RERE: variants seen among roughly 807,000 people sequenced by gnomAD.
The protein encoded by RERE is arginine-glutamic acid dipeptide repeats protein.
A neutral mutation model predicts 146.1 loss-of-function variants in RERE; 40 were observed. That is an observed-to-expected ratio of 0.27 (90% CI 0.21 to 0.36). The LOEUF (loss-of-function observed/expected upper bound fraction) is 0.36, where lower values mean the gene tolerates loss of function less well. Among genes scored for constraint, RERE ranks in the 10% least tolerant of loss-of-function variants. The pLI is 1.00. For missense variants in RERE, 1,933 were observed against 2,138.7 expected, an observed-to-expected ratio of 0.90 and a Z score of 1.90; for synonymous variants, 1,003 against 866.0, an observed-to-expected ratio of 1.16 and a Z score of -2.78.
intron 12 of RERE, among the ~76,000 whole-genome samples, chr1:8,408,052 G>C (rs576688144): frequency 6.6e-6 from 1 of 152,256 alleles, no homozygotes; most frequent in East Asian, 1.9e-4. Flanking sequence ...AAAGTAAAAG[G>C]CAGCCTTGGG....
chr1:8,422,571 A>G (rs1169046608), intron 12 of RERE, among the ~76,000 whole-genome samples, 156 bp downstream of exon 12: 1 of 152,224 alleles, frequency 6.6e-6, no homozygotes, highest in African/African-American at 2.4e-5. Context: ...AACTCAAATT[A>G]AAAGTCAAGG....
Position 8,508,954 on chromosome 1 carries a change from G to A in RERE, c.831-279C>T, listed in dbSNP as rs1033046849. Among the ~76,000 whole-genome samples, 66 of 151,946 alleles carry A rather than the reference G, an allele frequency of 4.3e-4. 1 individual carries two copies. Among genetic ancestry groups the A allele is most frequent in the Admixed American group, 3.5e-3 (54 of 15,262 alleles). ...TTTTGAGACAGAGTCTCACTCTGTC[G>A]CCCAGGCTGGAGTGCAGTGGCACAA... On this transcript the variant is annotated intron_variant, in intron 7 of 22. Transcript: ENST00000400908.
At chr1:8,697,415 C>CG (rs1448378000) in intron 1 of RERE, among the ~76,000 whole-genome samples, 2 of 118,730 alleles carry the variant, frequency 1.7e-5, no homozygotes, top group Non-Finnish European at 3.3e-5. Flanking sequence ...TTTTTTGAGA[C>CG]GGAGTCTCAC....
At chr1:8,652,021 A>G (rs1647657691) in intron 2 of RERE, among the ~76,000 whole-genome samples, 1 of 152,180 alleles carries the variant, frequency 6.6e-6, no homozygotes, top group Non-Finnish European at 1.5e-5. Flanking sequence ...GTAACCCTAA[A>G]GAACAGACAA....
chr1:8,721,289 T>A (rs1639859081), intron 1 of RERE, among the ~76,000 whole-genome samples: 1 of 152,022 alleles, frequency 6.6e-6, no homozygotes, highest in African/African-American at 2.4e-5. Context: ...CGAAAGAGTT[T>A]TTGTATTTTT....
chr1:8,427,502 C>T (rs1389334910), intron 11 of RERE, among the ~76,000 whole-genome samples: 2 of 152,126 alleles, frequency 1.3e-5, no homozygotes, highest in African/African-American at 2.4e-5. Flanking sequence ...TCAACTTGAA[C>T]GTTTCACAGG....
At chr1:8,369,790 A>C (rs1641961028) in intron 12 of RERE, among the ~76,000 whole-genome samples, 1 of 151,724 alleles carries the variant, frequency 6.6e-6, no homozygotes, top group Non-Finnish European at 1.5e-5. Flanking sequence ...AAACTATTCT[A>C]TATATATATA....
At chr1:8,790,176 G>A (rs994452635) in intron 1 of RERE, among the ~76,000 whole-genome samples, 3 of 152,090 alleles carry the variant, frequency 2.0e-5, no homozygotes, top group African/African-American at 7.2e-5. Context: ...CTGGAACTGC[G>A]GGTTCAAGCA....
At position 8,354,253 on chromosome 1, in the gene RERE, C is replaced by G. The variant is rs1194796969; in HGVS notation, c.*834G>C. ...GCAGATGTCTGTGCTGCTGGCAGAG[C>G]ACAGGCTAGGAGCAGACACAAGTGA... is the stretch of plus-strand genomic sequence containing the variant. On this transcript the variant is annotated 3_prime_UTR_variant, in exon 23 of 23. Coordinates refer to ENST00000400908, the MANE Select transcript of RERE (RefSeq NM_001042681.2). The G allele has an allele frequency of 1.3e-4, 20 of 152,544 alleles. No individual in the cohort carries two copies. The highest frequency in any genetic ancestry group is 1.3e-3 in the Admixed American group (20 of 15,284). 9.4% of individuals were successfully genotyped at this position (152,544 alleles called of 1,614,324 possible).
At chr1:8,815,087 T>C (rs572541642) in intron 1 of RERE, among the ~76,000 whole-genome samples, 1 of 152,322 alleles carries the variant, frequency 6.6e-6, no homozygotes, top group East Asian at 1.9e-4. Flanking sequence ...TAGAAGGTGC[T>C]ATTCTGCAAC....
At chr1:8,628,071 C>G (rs1307579516) in intron 2 of RERE, among the ~76,000 whole-genome samples, 1 of 152,146 alleles carries the variant, frequency 6.6e-6, no homozygotes, top group Non-Finnish European at 1.5e-5. Flanking sequence ...TAAAAGCCAC[C>G]TCTTTTTGTT....
chr1:8,373,298 T>TA lies in RERE; in HGVS notation c.1285-7325dup, dbSNP rs143452506. Among the ~76,000 whole-genome samples, 835 of 152,300 alleles carry TA rather than the reference T, an allele frequency of 5.5e-3. 9 individuals are homozygous for TA. Among genetic ancestry groups the TA allele is most frequent in the African/African-American group, 0.019 (770 of 41,552 alleles). ...TTAACTCTCGGTGCTAATGTGCAAT[T>TA]AGAGTCAGAATGTTGTTCCCCTGCT... is the stretch of plus-strand genomic sequence containing the variant. On this transcript the variant is annotated intron_variant, in intron 12 of 22. Transcript: ENST00000400908.
At chr1:8,386,014 ATATATATATTTTTTTTTTTTTTT>A (rs1410354135) in intron 12 of RERE, among the ~76,000 whole-genome samples, 1 of 44,624 alleles carries the variant, frequency 2.2e-5, no homozygotes, top group African/African-American at 9.4e-5. Flanking sequence ...ATATATATAT[ATATATATATTTTTTTTTTTTTTT>A]TTTTTTTTTT....
At chr1:8,765,312 A>C (rs1414465092) in intron 1 of RERE, among the ~76,000 whole-genome samples, 1 of 152,202 alleles carries the variant, frequency 6.6e-6, no homozygotes, top group African/African-American at 2.4e-5. Context: ...AGACAGAAAG[A>C]AGATTAAGGG....
chr1:8,447,520 CTGTT>C (rs1644337284), intron 11 of RERE, among the ~76,000 whole-genome samples: 1 of 152,134 alleles, frequency 6.6e-6, no homozygotes, highest in African/African-American at 2.4e-5. Flanking sequence ...GTATTCCTTT[CTGTT>C]TATTAGTTTT....
intron 1 of RERE, among the ~76,000 whole-genome samples, chr1:8,682,292 T>C (rs1638988820): frequency 6.6e-6 from 1 of 152,236 alleles, no homozygotes; most frequent in African/African-American, 2.4e-5. Flanking sequence ...CTAAATCCTA[T>C]CTCATTTCTT....
intron 11 of RERE, among the ~76,000 whole-genome samples, chr1:8,460,355 C>G (rs1644510912): frequency 6.6e-6 from 1 of 152,190 alleles, no homozygotes. Context: ...TAAGTAATTC[C>G]TTGACCGGCC....
chr1:8,408,612 GTTAA>G (rs1467496504), intron 12 of RERE, among the ~76,000 whole-genome samples: 1 of 152,154 alleles, frequency 6.6e-6, no homozygotes, highest in Non-Finnish European at 1.5e-5. Flanking sequence ...GGAGGGCAGA[GTTAA>G]GGAAATAAAT....
In RERE at chr1:8,541,363, T is replaced by A. The variant is rs766835807; in HGVS notation, c.726-45A>T. ...ATAATTAGTAATACCCTCAACTGCT[T>A]TTGCTAACCAAAACTGGAGGGGGAA... On this transcript the variant is annotated intron_variant, in intron 6 of 22. Transcript: ENST00000400908. 4.0e-6 allele frequency: 5 copies of A among 1,241,786 alleles called. No homozygotes were observed. The African/African-American group carries it at 7.4e-5, about 18-fold the overall frequency. 76.9% of individuals were successfully genotyped at this position (1,241,786 alleles called of 1,614,324 possible).
Sources: allele counts gnomAD v4.1 joint callset (sites outside exome capture counted in the v4.1 genomes callset), GRCh38; gene constraint gnomAD v4.1.1; transcripts MANE v1.5; gene names NCBI Gene and HGNC (gene_info 2026-07-23, HGNC 2026-07-21).